The following COPG1 variants were observed in gnomAD, a reference collection of about 807,000 sequenced individuals.
COPG1 encodes the protein coat protein complex I subunit gamma 1.
COPG1 carries 29 observed loss-of-function variants against 102.8 expected under a neutral mutation model. The ratio of observed to expected loss-of-function variants is 0.28; its 90% CI spans 0.21 to 0.38. The LOEUF (loss-of-function observed/expected upper bound fraction) is 0.38, where lower values mean the gene tolerates loss of function less well. Ranked by LOEUF, COPG1 falls within the 10% of genes least tolerant of loss-of-function variation. The probability of loss-of-function intolerance (pLI) is 1.00; values close to 1 mark genes in which losing one functional copy is unlikely to be tolerated. For missense variants in COPG1, 875 were observed against 1,132.7 expected (o/e 0.77, Z 3.27); for synonymous variants, 406 against 421.6 (o/e 0.96, Z 0.45).
intron 12 of COPG1, among the ~76,000 whole-genome samples, chr3:129,262,775 T>C (rs1939951222): frequency 2.0e-5 from 3 of 151,330 alleles, no homozygotes; most frequent in African/African-American, 7.3e-5. Context: ...ATCACAGCAC[T>C]TGGGAGGCTG....
In COPG1 at chr3:129,271,776, C is replaced by T. The variant is rs1252649157; in HGVS notation, c.1853C>T (p.Ala618Val). The T allele has an allele frequency of 6.2e-7, 1 of 1,614,110 alleles. No individual in the cohort carries two copies. The highest frequency in any genetic ancestry group is 1.7e-5 in the Admixed American group (1 of 60,008). The change falls in exon 19 of 24, where the codon GCA becomes GTA. Residue 618 changes from alanine (A) to valine (V), a missense_variant. Transcript: ENST00000314797. This position sits in a 1 kb window ranked among gnomAD's most constrained non-coding sequence, Gnocchi z 4.7. ...GGCCTGTGGATTTCAGAGCAGTTGG[C>T]AGCAGTGCCAGAGTTCCGCGGTCTT... Reference protein sequence around the residue: ...TRQEIFQEQLAAVPEFRGLGP... With the variant: ...TRQEIFQEQLVAVPEFRGLGP...
At chr3:129,263,032 A>C (rs1028831104) in intron 12 of COPG1, among the ~76,000 whole-genome samples, 4 of 144,560 alleles carry the variant, frequency 2.8e-5, no homozygotes, top group Non-Finnish European at 5.9e-5. Context: ...AAAAAAAAAA[A>C]AAAGAGTCCT....
chr3:129,254,870 G>A (rs866174619), intron 6 of COPG1, 115 bp from the exon 7 acceptor site: 2 of 1,181,610 alleles, frequency 1.7e-6, no homozygotes, highest in Middle Eastern at 2.0e-4. Flanking sequence ...GTGTGCAGGA[G>A]CACATGAGAA....
intron 17 of COPG1, 108 bp downstream of exon 17, chr3:129,268,728 G>A: frequency 7.4e-7 from 1 of 1,355,732 alleles, no homozygotes; most frequent in Non-Finnish European, 1.0e-6. Context: ...AGTTATGCTG[G>A]GAGGAGGAAA....
At chr3:129,256,351 G>A (rs1939810016) in intron 8 of COPG1, among the ~76,000 whole-genome samples, 197 bp downstream of exon 8, 1 of 152,202 alleles carries the variant, frequency 6.6e-6, no homozygotes, top group Admixed American at 6.5e-5. Context: ...GGGCGCTTGG[G>A]TTACAGACTG....
chr3:129,277,622 A>G lies in COPG1; in HGVS notation c.*198A>G. On this transcript the variant is annotated 3_prime_UTR_variant, in exon 24 of 24. Coordinates refer to ENST00000314797, the MANE Select transcript of COPG1 (RefSeq NM_016128.4). ...GTGACTTTTTTTTTTTTTTTTTTTAAATAGGGGATGATTTTAGCTTGTCCT... is the reference window on the plus strand; with the variant it reads ...GTGACTTTTTTTTTTTTTTTTTTTAGATAGGGGATGATTTTAGCTTGTCCT... 1 of 479,132 alleles carries G rather than the reference A, an allele frequency of 2.1e-6. No homozygotes were observed. The highest frequency in any genetic ancestry group is 3.7e-6 in the Non-Finnish European group (1 of 267,230). 29.7% of individuals were successfully genotyped at this position (479,132 alleles called of 1,614,324 possible). A position where few individuals can be genotyped will look rare whatever the true frequency, so the allele number is the denominator to read the frequency against.
chr3:129,254,797 A>G, intron 6 of COPG1, 54 bp downstream of exon 6: 14 of 1,506,680 alleles, frequency 9.3e-6, no homozygotes, highest in Non-Finnish European at 1.3e-5. Context: ...AGGCCTCGGC[A>G]TCATCTTTTG....
chr3:129,269,055 G>C (rs965482510), intron 18 of COPG1, 55 bp downstream of exon 18: 2 of 1,481,874 alleles, frequency 1.3e-6, no homozygotes, highest in Admixed American at 1.7e-5. Flanking sequence ...TCCTCAGGGG[G>C]TTCAAGAGTA....
intron 16 of COPG1, 82 bp from the exon 17 acceptor site, chr3:129,268,413 C>T (rs1301249912): frequency 7.5e-6 from 11 of 1,475,140 alleles, no homozygotes; most frequent in South Asian, 2.5e-5. Flanking sequence ...CTTGTAACTT[C>T]GGGACCCCAG....
chr3:129,263,852 C>G (rs1181663525), intron 12 of COPG1, 52 bp from the exon 13 acceptor site: 4 of 1,504,684 alleles, frequency 2.7e-6, no homozygotes, highest in Non-Finnish European at 3.7e-6. Flanking sequence ...GGAACTGAGT[C>G]ACCCCATCTT....
Position 129,265,645 on chromosome 3 carries a change from G to A in COPG1, c.1321G>A (p.Glu441Lys), listed in dbSNP as rs758162972. ...SKETGLSHLC[E>K]FIEDCEFTVL... ...GGAGACAGGGCTGTCACATCTGTGC[G>A]AGTTCATCGAGGACTGCGAGTTCAC... is the stretch of plus-strand genomic sequence containing the variant. The change falls in exon 14 of 24, where the codon GAG becomes AAG. Residue 441 changes from glutamate (E) to lysine (K), a missense_variant. Physicochemically the swap from Glu to Lys is moderately conservative, Grantham distance 56. Transcript: ENST00000314797. 3.1e-6 allele frequency: 5 copies of A among 1,614,202 alleles called. No homozygotes were observed. The East Asian group carries it at 6.7e-5, about 22-fold the overall frequency.
intron 7 of COPG1, 66 bp downstream of exon 7, chr3:129,255,143 C>A: frequency 2.0e-6 from 2 of 983,982 alleles, no homozygotes; most frequent in South Asian, 1.4e-5. Context: ...TTAAGAGTCA[C>A]ATTCCAGTAG....
chr3:129,257,081 A>G (rs1464690881), intron 8 of COPG1, among the ~76,000 whole-genome samples: 1 of 152,232 alleles, frequency 6.6e-6, no homozygotes, highest in African/African-American at 2.4e-5. Flanking sequence ...TGTCCCACAC[A>G]GTGACTTACA....
At position 129,272,865 on chromosome 3, in the gene COPG1, T is replaced by C; in HGVS notation, c.2217T>C (p.Thr739=). The C allele has an allele frequency of 6.2e-7, 1 of 1,612,794 alleles. No homozygotes were observed. The highest frequency in any genetic ancestry group is 1.1e-5 in the South Asian group (1 of 91,018). The change falls in exon 21 of 24, where the codon ACT becomes ACC. Residue 739 remains threonine (T), a synonymous_variant. Transcript: ENST00000314797. ...KFTVKDCDPT[T]GETDDEGYED... ...CTGTCAAGGACTGTGATCCCACCAC[T>C]GGGGAGACTGATGACGAAGGCTATG...
intron 2 of COPG1, among the ~76,000 whole-genome samples, chr3:129,251,700 T>TG (rs1482212038): frequency 6.6e-6 from 1 of 151,012 alleles, no homozygotes; most frequent in Admixed American, 6.6e-5. Context: ...CTCTTTTTTT[T>TG]TTTGAGATGG....
Position 129,257,500 on chromosome 3 carries a change from C to G in COPG1, c.610C>G (p.Arg204Gly). 6.2e-7 allele frequency: 1 copy of G among 1,614,192 alleles called. No individual in the cohort carries two copies. Among genetic ancestry groups the G allele is most frequent in the Non-Finnish European group, 8.5e-7 (1 of 1,180,038 alleles). Residue 204 changes from arginine to glycine, a missense_variant, in exon 9 of 24, where the codon CGT becomes GGT. Coordinates refer to ENST00000314797, the MANE Select transcript of COPG1 (RefSeq NM_016128.4). ...CGCACTAGGGCTCCTGTACCATGTG[C>G]GTAAGAATGACCGCCTAGCCGTCAA... The part of the protein sequence containing the change: ...YHALGLLYHV[R>G]KNDRLAVNKM...
At position 129,251,632 on chromosome 3, in the gene COPG1, C is replaced by T. The variant is rs532613908; in HGVS notation, c.91-649C>T. The stretch of plus-strand genomic sequence containing the variant: ...GTGAATCCTGACCTCTTGATCCTCC[C>T]GCCTCGGCCTCCCAAAGTGCTGGGA... On this transcript the variant is annotated intron_variant, in intron 2 of 23. Transcript: ENST00000314797. Among the ~76,000 whole-genome samples, 14 of 151,572 alleles carry T rather than the reference C, an allele frequency of 9.2e-5. No individual in the cohort carries two copies. The East Asian group carries it at 9.7e-4, about 11-fold the overall frequency.
chr3:129,272,149 G>C (rs1940193624), intron 19 of COPG1, 95 bp from the exon 20 acceptor site: 1 of 1,223,148 alleles, frequency 8.2e-7, no homozygotes, highest in Non-Finnish European at 1.2e-6. Context: ...GAATCACCTT[G>C]GTCAATAGGA....
chr3:129,277,524 T>C lies in COPG1; in HGVS notation c.*100T>C, dbSNP rs989638450. The C allele has an allele frequency of 7.6e-7, 1 of 1,308,072 alleles. No homozygotes were observed. Among genetic ancestry groups the C allele is most frequent in the Middle Eastern group, 2.3e-4 (1 of 4,440 alleles). The allele number at this position is 1,308,072 out of a possible 1,614,324, so 81.0% of individuals were successfully genotyped here. On this transcript the variant is annotated 3_prime_UTR_variant, in exon 24 of 24. Coordinates refer to ENST00000314797, the MANE Select transcript of COPG1 (RefSeq NM_016128.4). ...AGAAACCCCTTCCCAAGCTTCTGTA[T>C]TGAAAAACAATTAGGAATCATTGCA... is the stretch of plus-strand genomic sequence containing the variant.
Sources: gnomAD v4.1 joint callset for allele counts (sites outside exome capture counted in the v4.1 genomes callset) on GRCh38, gnomAD v4.1.1 for gene constraint, Gnocchi (gnomAD v3.1) non-coding constraint, MANE v1.5 for transcripts, NCBI Gene and HGNC (gene_info 2026-07-23, HGNC 2026-07-21) for gene names.